Variants in ITPRID1 observed in about 807,000 individuals in gnomAD.
The protein encoded by ITPRID1 is protein ITPRID1.
In ITPRID1, 96 loss-of-function variants were observed where a neutral mutation model predicts 95.4. The ratio of observed to expected loss-of-function variants is 1.01; its 90% CI spans 0.85 to 1.19. The LOEUF (loss-of-function observed/expected upper bound fraction) is 1.19. Ranked by LOEUF, ITPRID1 falls within the 50% of genes most tolerant of loss-of-function variation. The pLI, the probability that ITPRID1 is intolerant of heterozygous loss-of-function variation, is 0.00. For missense variants in ITPRID1, 1,339 were observed against 1,252.9 expected (o/e 1.07, Z -1.04); for synonymous variants, 510 against 453.6 (o/e 1.12, Z -1.58).
chr7:31,546,475 T>A (rs917687209), intron 1 of ITPRID1, among the ~76,000 whole-genome samples: 1 of 151,892 alleles, frequency 6.6e-6, no homozygotes, highest in Non-Finnish European at 1.5e-5. Context: ...GTGTGTATAA[T>A]CTCCTAATTT....
intron 10 of ITPRID1, among the ~76,000 whole-genome samples, chr7:31,604,171 C>A (rs1453555775): frequency 1.3e-5 from 2 of 152,200 alleles, no homozygotes; most frequent in Non-Finnish European, 2.9e-5. Context: ...ATGGAAGTAG[C>A]CCTTTTTTGA....
In ITPRID1 at chr7:31,651,268, A is replaced by C. The variant is rs1412276308; in HGVS notation, c.2710A>C (p.Arg904=). 1 of 1,612,862 alleles carries C rather than the reference A, an allele frequency of 6.2e-7. No individual in the cohort carries two copies. The highest frequency in any genetic ancestry group is 8.5e-7 in the Non-Finnish European group (1 of 1,179,264). The change falls in exon 13 of 15, where the codon AGG becomes CGG. Residue 904 remains arginine, a splice_region_variant and synonymous_variant. Transcript: ENST00000615280. Reference sequence around the variant, plus strand: ...TTCCAGGGACATGTCAGAGGAGGAAAGGTAATTACCTAAGGGAGCCATAAA... The same window carrying C: ...TTCCAGGGACATGTCAGAGGAGGAACGGTAATTACCTAAGGGAGCCATAAA... ...LFSRDMSEEE[R]EEAEQLQTLR...
Position 31,651,159 on chromosome 7 carries a change from G to A in ITPRID1, c.2601G>A (p.Met867Ile). The A allele has an allele frequency of 6.2e-7, 1 of 1,613,428 alleles. No homozygotes were observed. The highest frequency in any genetic ancestry group is 8.5e-7 in the Non-Finnish European group (1 of 1,179,504). Residue 867 changes from methionine (M) to isoleucine (I), a missense_variant, in exon 13 of 15, where the codon ATG (methionine) becomes ATA (isoleucine). Coordinates refer to ENST00000615280, the MANE Select transcript of ITPRID1 (RefSeq NM_001257967.3). ...GTTCTCAGTGCACAGTCCATGAGAT[G>A]GAAGCCATGAAGACGATATGCCAAA... Reference protein sequence around the residue: ...RELCSCTVHEMEAMKTICQSF... With the variant: ...RELCSCTVHEIEAMKTICQSF...
At chr7:31,651,016 T>G (rs1790895358) in intron 12 of ITPRID1, 126 bp from the exon 13 acceptor site, 1 of 1,000,668 alleles carries the variant, frequency 1.0e-6, no homozygotes, top group African/African-American at 1.7e-5. Context: ...TCCCTCCCCC[T>G]TATATTAGCA....
At chr7:31,623,399 A>G (rs935437834) in intron 10 of ITPRID1, among the ~76,000 whole-genome samples, 27 of 150,844 alleles carry the variant, frequency 1.8e-4, no homozygotes, top group South Asian at 8.6e-4. Context: ...CAAAAAGCTT[A>G]TCCACCATGA....
At chr7:31,621,602 G>C (rs1241078145) in intron 10 of ITPRID1, among the ~76,000 whole-genome samples, 1 of 148,270 alleles carries the variant, frequency 6.7e-6, no homozygotes, top group African/African-American at 2.5e-5. Context: ...AGCTCCTGAA[G>C]GAAGCACTAA....
Position 31,655,810 on chromosome 7 carries a change from T to C in ITPRID1, c.*2981T>C, listed in dbSNP as rs561735522. ...TGGGCTTTTGACCTCCCCTTCTCCA[T>C]GTAGACTCCGAGCTCTCCTGCAGTT... On this transcript the variant is annotated 3_prime_UTR_variant, in exon 15 of 15. Coordinates refer to ENST00000615280, the MANE Select transcript of ITPRID1 (RefSeq NM_001257967.3). 102 of 985,626 alleles carry C rather than the reference T, an allele frequency of 1.0e-4. 1 individual carries two copies. The Admixed American group carries it at 2.2e-3, about 21-fold the overall frequency. 61.1% of individuals were successfully genotyped at this position (985,626 alleles called of 1,614,324 possible).
intron 10 of ITPRID1, among the ~76,000 whole-genome samples, chr7:31,626,718 G>C (rs914823718): frequency 1.3e-5 from 2 of 151,914 alleles, no homozygotes; most frequent in African/African-American, 4.9e-5. Flanking sequence ...CAAAACTCTT[G>C]TTGTGGCAGT....
chr7:31,595,826 GA>G (rs1214633419), intron 10 of ITPRID1, among the ~76,000 whole-genome samples: 1 of 151,238 alleles, frequency 6.6e-6, no homozygotes, highest in Non-Finnish European at 1.5e-5. Flanking sequence ...ATTTTTATAG[GA>G]AAAAAGCCAC....
rs562306615 is a variant in ITPRID1 at position 31,575,841 on chromosome 7, C to T, written c.598+1099C>T. Among the ~76,000 whole-genome samples the T allele has an allele frequency of 2.0e-5, 3 of 151,962 alleles. No homozygotes were observed. In the South Asian group the frequency reaches 6.2e-4, roughly 32 times the overall value. On this transcript the variant is annotated intron_variant, in intron 8 of 14. Coordinates refer to ENST00000615280, the MANE Select transcript of ITPRID1 (RefSeq NM_001257967.3). ...GTTCTCATTTTAGCTCCCGTTTCTCCGTTTTCAAGTAGGTAAAATGGGTCT... is the reference window on the plus strand; with the variant it reads ...GTTCTCATTTTAGCTCCCGTTTCTCTGTTTTCAAGTAGGTAAAATGGGTCT...
At chr7:31,570,834 A>G (rs901047040) in intron 6 of ITPRID1, among the ~76,000 whole-genome samples, 5 of 152,030 alleles carry the variant, frequency 3.3e-5, no homozygotes, top group Non-Finnish European at 7.4e-5. Flanking sequence ...TCAAACAAAG[A>G]AGGAAAAATA....
chr7:31,585,990 TC>T (rs1785585069), intron 10 of ITPRID1, among the ~76,000 whole-genome samples: 1 of 102,654 alleles, frequency 9.7e-6, no homozygotes. Flanking sequence ...CCCTCCCCCC[TC>T]CCCCCATCCC....
At chr7:31,639,942 CAT>C (rs930736461) in intron 10 of ITPRID1, among the ~76,000 whole-genome samples, 1 of 152,164 alleles carries the variant, frequency 6.6e-6, no homozygotes, top group African/African-American at 2.4e-5. Context: ...CATAATGGAT[CAT>C]ATGTTCCTGC....
intron 10 of ITPRID1, among the ~76,000 whole-genome samples, chr7:31,640,242 C>G (rs939379569): frequency 1.3e-5 from 2 of 152,212 alleles, no homozygotes; most frequent in Non-Finnish European, 2.9e-5. Context: ...GGCTGGTGGG[C>G]ACATTCCCTA....
At chr7:31,592,484 A>G (rs1785909095) in intron 10 of ITPRID1, among the ~76,000 whole-genome samples, 1 of 152,204 alleles carries the variant, frequency 6.6e-6, no homozygotes, top group African/African-American at 2.4e-5. Flanking sequence ...GTACTCTGGA[A>G]CAGCCTTCCC....
chr7:31,590,906 G>A (rs560624698), intron 10 of ITPRID1, among the ~76,000 whole-genome samples: 22 of 152,350 alleles, frequency 1.4e-4, no homozygotes, highest in African/African-American at 4.8e-4. Context: ...GAAGAAACAA[G>A]CATGGAGAGG....
intron 5 of ITPRID1, among the ~76,000 whole-genome samples, chr7:31,567,340 G>T (rs1229239606): frequency 6.6e-6 from 1 of 152,134 alleles, no homozygotes; most frequent in Non-Finnish European, 1.5e-5. Context: ...ATCTTACCCT[G>T]TTTCTTTTTT....
chr7:31,520,059 T>C lies in ITPRID1; in HGVS notation c.-98+5939T>C, dbSNP rs565723447. On this transcript the variant is annotated intron_variant, in intron 1 of 14. Transcript: ENST00000615280. ...TGACTGTCACAGTTTCTCAAACTTT[T>C]CTTGCTTTTGATGATGGTTAAATTT... Among the ~76,000 whole-genome samples, 5 of 152,262 alleles carry C rather than the reference T, an allele frequency of 3.3e-5. No individual in the cohort carries two copies. The East Asian group carries it at 9.7e-4, about 29-fold the overall frequency.
intron 6 of ITPRID1, among the ~76,000 whole-genome samples, chr7:31,570,596 C>A (rs950293249): frequency 5.9e-5 from 9 of 152,152 alleles, no homozygotes; most frequent in African/African-American, 2.2e-4. Context: ...TTTTCTCCTG[C>A]AGGATTGGTT....
Sources: allele counts gnomAD v4.1 joint callset (sites outside exome capture counted in the v4.1 genomes callset), GRCh38; gene constraint gnomAD v4.1.1; transcripts MANE v1.5; gene names NCBI Gene and HGNC (gene_info 2026-07-23, HGNC 2026-07-21).